The following AP2A1 variants were observed in gnomAD, a reference collection of about 807,000 sequenced individuals.
AP2A1 encodes the protein AP-2 complex subunit alpha-1.
Under a neutral mutation model 107.3 loss-of-function variants are expected in AP2A1, and 21 were observed. The observed-to-expected ratio is 0.20, with a 90% confidence interval of 0.14 to 0.28. The LOEUF (loss-of-function observed/expected upper bound fraction) is 0.28, where lower values mean the gene tolerates loss of function less well. Ranked by LOEUF, AP2A1 falls within the 10% of genes least tolerant of loss-of-function variation. The pLI is 1.00. For missense variants in AP2A1, 873 were observed against 1,307.7 expected (o/e 0.67, Z 5.13); for synonymous variants, 602 against 564.8 (o/e 1.07, Z -0.93).
intron 20 of AP2A1, 32 bp downstream of exon 20, chr19:49,805,809 C>T (rs769329346): frequency 1.5e-6 from 2 of 1,349,868 alleles, no homozygotes; most frequent in Admixed American, 1.9e-5. Flanking sequence ...GAGCCAAAGC[C>T]GCGCCTCTGG....
At chr19:49,805,325 T>C (rs781724153) in intron 18 of AP2A1, 128 bp from the exon 19 acceptor site, 238 of 1,140,730 alleles carry the variant, frequency 2.1e-4, no homozygotes, top group Non-Finnish European at 2.6e-4. Context: ...TAGGATTGAG[T>C]CCAGGATTGC....
chr19:49,796,151 T>A (rs2072451), intron 7 of AP2A1: 1 of 194,598 alleles, frequency 5.1e-6, no homozygotes, highest in African/African-American at 2.3e-5. Context: ...TTCACATCTG[T>A]TGGGAACCTT....
chr19:49,774,311 C>T (rs753822798), intron 1 of AP2A1, among the ~76,000 whole-genome samples: 5 of 152,172 alleles, frequency 3.3e-5, no homozygotes, highest in East Asian at 1.9e-4. Context: ...ACTGGTGTTC[C>T]GATCCAGGAG....
intron 12 of AP2A1, 143 bp downstream of exon 12, chr19:49,801,201 AAGG>A: frequency 9.8e-7 from 1 of 1,018,004 alleles, no homozygotes; most frequent in Non-Finnish European, 1.4e-6. Context: ...CAGGGTAAGA[AAGG>A]AGCTTAGTCC....
chr19:49,795,658 A>G lies in AP2A1; in HGVS notation c.734A>G (p.Gln245Arg). 1.4e-6 allele frequency: 2 copies of G among 1,400,994 alleles called. No individual in the cohort carries two copies. The highest frequency in any genetic ancestry group is 9.4e-7 in the Non-Finnish European group (1 of 1,063,186). 86.8% of individuals were successfully genotyped at this position (1,400,994 alleles called of 1,614,324 possible). The change falls in exon 7 of 23, where the codon CAG becomes CGG. Residue 245 changes from glutamine to arginine, a missense_variant. Coordinates refer to ENST00000354293, the MANE Select transcript of AP2A1 (RefSeq NM_130787.3). ...RIVSSASTDL[Q>R]DYTYYFVPAP... ...GTCTCCTCTGCCTCCACCGACCTCCAGGACTACACCTACTACTTCGTCCCA... is the reference window on the plus strand; with the variant it reads ...GTCTCCTCTGCCTCCACCGACCTCCGGGACTACACCTACTACTTCGTCCCA...
rs1040236020 is a variant in AP2A1, at chr19:49,785,137, G to C, written c.473+2413G>C. ...GATCGTGACATAGGCAGTGTTCGAA[G>C]AGAGATAATGGTTGAAAATATTCCA... On this transcript the variant is annotated intron_variant, in intron 4 of 22. Transcript: ENST00000354293. This position sits in a 1 kb window ranked among gnomAD's most constrained non-coding sequence, Gnocchi z 4.1. Among the ~76,000 whole-genome samples the C allele has an allele frequency of 6.6e-5, 10 of 152,206 alleles. No individual in the cohort carries two copies. The highest frequency in any genetic ancestry group is 2.4e-4 in the African/African-American group (10 of 41,450).
intron 7 of AP2A1, among the ~76,000 whole-genome samples, chr19:49,797,944 T>C (rs1268292839): frequency 1.3e-5 from 2 of 152,102 alleles, no homozygotes; most frequent in African/African-American, 4.8e-5. Context: ...GATTCTGTCT[T>C]TGTTATTTCT....
At position 49,776,128 on chromosome 19, in the gene AP2A1, C is replaced by G. The variant is rs573134344; in HGVS notation, c.68-5629C>G. 4.6e-5 allele frequency among the ~76,000 whole-genome samples: 7 copies of G among 152,254 alleles called. No individual in the cohort carries two copies. The South Asian group carries it at 1.0e-3, about 23-fold the overall frequency. On this transcript the variant is annotated intron_variant, in intron 1 of 22. Transcript: ENST00000354293. ...ACGGCCTGCCCCTCCCATGGCCCCCCCCAGCACCTCAGAAAACTCTGGAGA... is the reference window on the plus strand; with the variant it reads ...ACGGCCTGCCCCTCCCATGGCCCCCGCCAGCACCTCAGAAAACTCTGGAGA...
chr19:49,767,549 G>C (rs1187217040), intron 1 of AP2A1, among the ~76,000 whole-genome samples: 1 of 152,128 alleles, frequency 6.6e-6, no homozygotes, highest in Non-Finnish European at 1.5e-5. Context: ...TCCCAATGTA[G>C]AGAAGAAGTG....
Position 49,803,094 on chromosome 19 carries a change from C to T in AP2A1, c.2172-13C>T, listed in dbSNP as rs1391484070. ...CAGGCACCCCCGTCATCTTGCGCCC[C>T]CTGCCCCCTCAGGTTTGTGTGTAAG... is the stretch of plus-strand genomic sequence containing the variant. On this transcript the variant is annotated splice_polypyrimidine_tract_variant and intron_variant, in intron 16 of 22. Transcript: ENST00000354293. 1 of 1,613,994 alleles carries T rather than the reference C, an allele frequency of 6.2e-7. No homozygotes were observed. Among genetic ancestry groups the T allele is most frequent in the East Asian group, 2.2e-5 (1 of 44,878 alleles).
At chr19:49,778,508 A>G (rs1462137767) in intron 1 of AP2A1, among the ~76,000 whole-genome samples, 1 of 152,172 alleles carries the variant, frequency 6.6e-6, no homozygotes, top group African/African-American at 2.4e-5. Flanking sequence ...ACTTGAACCC[A>G]GGAGGCGGAG....
At chr19:49,793,968 G>A (rs890730042) in intron 6 of AP2A1, among the ~76,000 whole-genome samples, 4 of 142,804 alleles carry the variant, frequency 2.8e-5, no homozygotes, top group Non-Finnish European at 6.0e-5. Flanking sequence ...GTGCAGTGGC[G>A]CGATCTCGGC....
intron 1 of AP2A1, among the ~76,000 whole-genome samples, chr19:49,771,303 TAAAAAAA>T (rs902347385): frequency 5.1e-5 from 5 of 98,040 alleles, no homozygotes; most frequent in African/African-American, 1.6e-4. Context: ...CCTCATCTCT[TAAAAAAA>T]AAAAAAAAAA....
chr19:49,793,878 C>T (rs917185592), intron 6 of AP2A1, among the ~76,000 whole-genome samples: 11 of 146,614 alleles, frequency 7.5e-5, no homozygotes, highest in Non-Finnish European at 1.3e-4. Context: ...CACACCAGCT[C>T]GTGCATCCAC....
intron 7 of AP2A1, chr19:49,796,609 G>A (rs115475578): frequency 0.021 from 3,160 of 152,356 alleles, 70 homozygotes; most frequent in South Asian, 0.12. Context: ...GCATGCGTTC[G>A]CCTGTGTGTG....
chr19:49,773,840 G>A (rs1165973468), intron 1 of AP2A1, among the ~76,000 whole-genome samples: 2 of 152,194 alleles, frequency 1.3e-5, no homozygotes, highest in Non-Finnish European at 2.9e-5. Context: ...AGCTGCCTGT[G>A]CAAAGGCCCT....
chr19:49,776,280 G>A (rs1176896353), intron 1 of AP2A1, among the ~76,000 whole-genome samples: 1 of 151,922 alleles, frequency 6.6e-6, no homozygotes, highest in African/African-American at 2.4e-5. Flanking sequence ...CTACCTCCAG[G>A]CCATTGCACC....
intron 11 of AP2A1, chr19:49,800,619 C>T: frequency 3.6e-6 from 1 of 278,798 alleles, no homozygotes; most frequent in Non-Finnish European, 6.9e-6. Flanking sequence ...CAGGCACGCG[C>T]CACCACACCC....
chr19:49,768,104 G>C lies in AP2A1; in HGVS notation c.67+904G>C, dbSNP rs375621585. On this transcript the variant is annotated intron_variant, in intron 1 of 22. Transcript: ENST00000354293. ...GAGGGGTAGATATCTGGAAAGCTGGGAATAGGGGAAGTCTAATCCCAGAGA... is the reference window on the plus strand; with the variant it reads ...GAGGGGTAGATATCTGGAAAGCTGGCAATAGGGGAAGTCTAATCCCAGAGA... Among the ~76,000 whole-genome samples, 16 of 152,152 alleles carry C rather than the reference G, an allele frequency of 1.1e-4. 2 individuals are homozygous for C. Among genetic ancestry groups the C allele is most frequent in the Admixed American group, 9.8e-4 (15 of 15,290 alleles).
Sources: gnomAD v4.1 joint callset for allele counts (sites outside exome capture counted in the v4.1 genomes callset) on GRCh38, gnomAD v4.1.1 for gene constraint, Gnocchi (gnomAD v3.1) non-coding constraint, MANE v1.5 for transcripts, NCBI Gene and HGNC (gene_info 2026-07-23, HGNC 2026-07-21) for gene names.